The following CARNMT1 variants were observed in gnomAD, a reference collection of about 807,000 sequenced individuals.
The protein encoded by CARNMT1 is carnosine N-methyltransferase 1, also known as protein-L-histidine N-pros-methyltransferase CARNMT1.
CARNMT1 carries 28 observed loss-of-function variants against 49.6 expected under a neutral mutation model. That is an observed-to-expected ratio of 0.56 (90% CI 0.42 to 0.77). CARNMT1 has a LOEUF of 0.77. Ranked by LOEUF, CARNMT1 falls within the 30% of genes least tolerant of loss-of-function variation. The pLI is 0.00. For missense variants in CARNMT1, 421 were observed against 512.6 expected, an observed-to-expected ratio of 0.82 and a Z score of 1.73; for synonymous variants, 178 against 175.0, an observed-to-expected ratio of 1.02 and a Z score of -0.13.
upstream of CARNMT1, chr9:75,028,325 G>T: frequency 7.6e-7 from 1 of 1,313,514 alleles, no homozygotes; most frequent in Non-Finnish European, 9.6e-7. Context: ...TCCTCTAGAC[G>T]GCGCCCGCCG....
At chr9:75,009,152 A>G (rs1375439572) in intron 3 of CARNMT1, among the ~76,000 whole-genome samples, 1 of 151,712 alleles carries the variant, frequency 6.6e-6, no homozygotes, top group Non-Finnish European at 1.5e-5. Context: ...TTACCCACAT[A>G]TAAAAATTAA....
intron 1 of CARNMT1, among the ~76,000 whole-genome samples, chr9:75,019,378 G>A (rs1200588134): frequency 6.6e-6 from 1 of 152,166 alleles, no homozygotes; most frequent in Non-Finnish European, 1.5e-5. Context: ...CATGGCCAAC[G>A]GATTTCAATG....
At chr9:75,018,078 TGA>T (rs973243753) in intron 1 of CARNMT1, among the ~76,000 whole-genome samples, 1 of 152,140 alleles carries the variant, frequency 6.6e-6, no homozygotes, top group African/African-American at 2.4e-5. Context: ...TTATTATTTT[TGA>T]GAGGGATTTT....
chr9:75,011,225 TG>T (rs1833681776), intron 3 of CARNMT1, among the ~76,000 whole-genome samples: 1 of 152,144 alleles, frequency 6.6e-6, no homozygotes, highest in Non-Finnish European at 1.5e-5. Context: ...GACAAAACAG[TG>T]CAACCCTTAT....
rs745967308 is a variant in CARNMT1, at chr9:75,028,056, C to A, written c.186G>T (p.Glu62Asp). ...TAATGATCTTCCAGAAGTGCTCACG[C>A]TCAAGCCTCTCCTCCTCCTCCTCGG... Reference protein sequence around the residue: ...RSTEEEEERLEREHFWKIINA... With the variant: ...RSTEEEEERLDREHFWKIINA... Residue 62 changes from glutamate to aspartate, a missense_variant, in exon 1 of 8, where the codon GAG (glutamate) becomes GAT (aspartate). Physicochemically the swap from Glu to Asp is conservative, Grantham distance 45 (BLOSUM62 2). Around this residue, in one of 2 missense-constraint regions of CARNMT1, gnomAD observed 186 missense variants for 167.9 expected, o/e 1.11. Coordinates refer to ENST00000376834, the MANE Select transcript of CARNMT1 (RefSeq NM_152420.3). The A allele has an allele frequency of 3.2e-6, 5 of 1,578,186 alleles. No individual in the cohort carries two copies. In the Admixed American group the frequency reaches 7.1e-5, roughly 22 times the overall value.
Position 75,017,344 on chromosome 9 carries a change from A to G in CARNMT1, c.335T>C (p.Ile112Thr). ...LPQFLLHLDK[I>T]RKCIDHNQEI... ...TTGATTATGATCAATGCATTTCCGG[A>G]TCTTGTCCAAGTGAAGAAGAAACTG... The change falls in exon 2 of 8, where the codon ATC (isoleucine) becomes ACC (threonine). Residue 112 changes from isoleucine (I) to threonine (T), a missense_variant. By Grantham distance (89) the Ile-to-Thr change is moderately conservative. Coordinates refer to ENST00000376834, the MANE Select transcript of CARNMT1 (RefSeq NM_152420.3). The G allele has an allele frequency of 6.2e-7, 1 of 1,614,016 alleles. No homozygotes were observed. Among genetic ancestry groups the G allele is most frequent in the Non-Finnish European group, 8.5e-7 (1 of 1,179,912 alleles).
intron 6 of CARNMT1, chr9:74,996,168 A>C (rs1833183896): frequency 8.5e-6 from 2 of 236,376 alleles, no homozygotes; most frequent in East Asian, 2.0e-4. Flanking sequence ...GATGGTGATA[A>C]TGAGGGAATG....
chr9:75,026,600 T>C (rs1000771302), intron 1 of CARNMT1, among the ~76,000 whole-genome samples: 29 of 152,192 alleles, frequency 1.9e-4, no homozygotes, highest in African/African-American at 7.0e-4. Context: ...CCTGGAGAAA[T>C]AAAATATCCA....
intron 5 of CARNMT1, 134 bp from the exon 6 acceptor site, chr9:74,996,694 TCAA>T (rs1213003957): frequency 1.8e-6 from 1 of 561,880 alleles, no homozygotes; most frequent in Non-Finnish European, 3.1e-6. Context: ...AAACTTCTGA[TCAA>T]CATTATAATT....
chr9:75,027,947 G>T lies in CARNMT1; in HGVS notation c.230+65C>A, dbSNP rs546379246. On this transcript the variant is annotated intron_variant, in intron 1 of 7. Coordinates refer to ENST00000376834, the MANE Select transcript of CARNMT1 (RefSeq NM_152420.3). ...CGGGACGGCGAGCGCCCCCGTTCCG[G>T]CGGGTCCGCCGCCACCAGTGGGCGC... 61 of 1,470,436 alleles carry T rather than the reference G, an allele frequency of 4.1e-5. No individual in the cohort carries two copies. The African/African-American group carries it at 7.4e-4, about 18-fold the overall frequency. 91.1% of individuals were successfully genotyped at this position (1,470,436 alleles called of 1,614,324 possible).
intron 1 of CARNMT1, among the ~76,000 whole-genome samples, chr9:75,025,530 T>C (rs1004743036): frequency 6.6e-6 from 1 of 152,254 alleles, no homozygotes; most frequent in Non-Finnish European, 1.5e-5. Flanking sequence ...CTTTTTATAA[T>C]AGATTTGTGT....
chr9:75,014,957 A>T (rs1833802917), intron 3 of CARNMT1, among the ~76,000 whole-genome samples: 1 of 152,262 alleles, frequency 6.6e-6, no homozygotes, highest in Non-Finnish European at 1.5e-5. Flanking sequence ...TAAAGTTGTC[A>T]ATCAATACGG....
intron 1 of CARNMT1, chr9:75,026,990 T>C (rs1467624069): frequency 1.1e-6 from 1 of 871,374 alleles, no homozygotes; most frequent in African/African-American, 1.8e-5. Context: ...ATACATAAGA[T>C]GAACAATATA....
At chr9:75,020,103 C>T (rs543428351) in intron 1 of CARNMT1, among the ~76,000 whole-genome samples, 9 of 152,118 alleles carry the variant, frequency 5.9e-5, no homozygotes, top group African/African-American at 2.2e-4. Context: ...GTGAAAGAGA[C>T]AGGATAATGT....
At chr9:74,995,679 G>A (rs1240533868) in intron 6 of CARNMT1, among the ~76,000 whole-genome samples, 1 of 152,108 alleles carries the variant, frequency 6.6e-6, no homozygotes, top group Non-Finnish European at 1.5e-5. Context: ...GGAAGGCCAA[G>A]GGCTCAAGAC....
At position 75,028,211 on chromosome 9, in the gene CARNMT1, TGGGCGGCGGA is replaced by T. The variant is rs1822590343; in HGVS notation, c.21_30del (p.Pro10GlyfsTer72). On this transcript the variant is annotated frameshift_variant, in exon 1 of 8. Coordinates refer to ENST00000376834, the MANE Select transcript of CARNMT1 (RefSeq NM_152420.3). LOFTEE classifies it high-confidence loss of function. ...CCGCAGCCCTCGGGCAGCCGGGAGG[TGGGCGGCGGA>T]GGGCGACGCCGTCGCTGCATCGCCG... 1 of 1,435,320 alleles carries T rather than the reference TGGGCGGCGGA, an allele frequency of 7.0e-7. No homozygotes were observed. The highest frequency in any genetic ancestry group is 9.1e-7 in the Non-Finnish European group (1 of 1,096,592). The allele number at this position is 1,435,320 out of a possible 1,614,324, so 88.9% of individuals were successfully genotyped here.
At chr9:74,992,114 A>G (rs1296605253) in intron 6 of CARNMT1, among the ~76,000 whole-genome samples, 3 of 152,022 alleles carry the variant, frequency 2.0e-5, no homozygotes, top group Non-Finnish European at 4.4e-5. Context: ...TCCACTTAAA[A>G]TACAAAAAAC....
At chr9:74,999,612 A>G (rs1234537553) in intron 4 of CARNMT1, 118 bp downstream of exon 4, 2 of 773,978 alleles carry the variant, frequency 2.6e-6, no homozygotes, top group African/African-American at 3.6e-5. Context: ...CACATTTGTG[A>G]TATATATAAT....
intron 3 of CARNMT1, among the ~76,000 whole-genome samples, chr9:75,012,779 G>T (rs147710516): frequency 6.6e-6 from 1 of 151,650 alleles, no homozygotes; most frequent in African/African-American, 2.4e-5. Flanking sequence ...TTAGCCAGGC[G>T]TCGTGGCGGG....
Sources: allele counts gnomAD v4.1 joint callset (sites outside exome capture counted in the v4.1 genomes callset), GRCh38; gene constraint gnomAD v4.1.1; regional missense constraint gnomAD v4.1.1; transcripts MANE v1.5; gene names NCBI Gene and HGNC (gene_info 2026-07-23, HGNC 2026-07-21).